The following TEKT5 variants were observed in gnomAD, a reference collection of about 807,000 sequenced individuals.
The protein encoded by TEKT5 is tektin 5.
Under a neutral mutation model 48.7 loss-of-function variants are expected in TEKT5, and 52 were observed. The observed-to-expected ratio is 1.07, with a 90% CI of 0.86 to 1.35. The LOEUF (loss-of-function observed/expected upper bound fraction) is 1.35. Ranked by LOEUF, TEKT5 falls within the 40% of genes most tolerant of loss-of-function variation. The probability of loss-of-function intolerance (pLI) is 0.00; values close to 1 mark genes in which losing one functional copy is unlikely to be tolerated. For missense variants in TEKT5, 831 were observed against 641.6 expected, an observed-to-expected ratio of 1.30 and a Z score of -3.19; for synonymous variants, 318 against 267.6, an observed-to-expected ratio of 1.19 and a Z score of -1.84.
At chr16:10,681,095 G>T (rs543216119) in intron 4 of TEKT5, among the ~76,000 whole-genome samples, 1 of 150,376 alleles carries the variant, frequency 6.6e-6, no homozygotes, top group African/African-American at 2.4e-5. Flanking sequence ...ATCATGACAG[G>T]CTCACAGAAG....
At chr16:10,643,422 G>A (rs1396382138) in intron 5 of TEKT5, among the ~76,000 whole-genome samples, 1 of 151,810 alleles carries the variant, frequency 6.6e-6, no homozygotes, top group East Asian at 1.9e-4. Context: ...AAAATTTACT[G>A]TATGATTATA....
rs1321692693 is a variant in TEKT5 at position 10,635,834 on chromosome 16, C to T, written c.1171G>A (p.Ala391Thr). 6.2e-7 allele frequency: 1 copy of T among 1,614,144 alleles called. No homozygotes were observed. Among genetic ancestry groups the T allele is most frequent in the Non-Finnish European group, 8.5e-7 (1 of 1,180,042 alleles). ...GTCCGGCACTCCAGCCTTGTCTGGGCCACCTTCAGCGGGCCCTCCTTGGCC... is the reference window on the plus strand; with the variant it reads ...GTCCGGCACTCCAGCCTTGTCTGGGTCACCTTCAGCGGGCCCTCCTTGGCC... Reference protein sequence around the residue: ...IMAKEGPLKVAQTRLECRTRR... With the variant: ...IMAKEGPLKVTQTRLECRTRR... The change falls in exon 6 of 7, where the codon GCC (alanine) becomes ACC (threonine). Residue 391 changes from alanine (A) to threonine (T), a missense_variant. Transcript: ENST00000283025.
At chr16:10,643,055 A>G (rs1417349062) in intron 5 of TEKT5, among the ~76,000 whole-genome samples, 1 of 152,242 alleles carries the variant, frequency 6.6e-6, no homozygotes, top group Non-Finnish European at 1.5e-5. Context: ...GTGTGCGTCA[A>G]AACATACGCA....
chr16:10,661,274 C>G (rs1467439558), intron 5 of TEKT5, among the ~76,000 whole-genome samples: 1 of 152,180 alleles, frequency 6.6e-6, no homozygotes, highest in African/African-American at 2.4e-5. Context: ...AGCTGTCCAT[C>G]TCATGTAAGT....
At chr16:10,642,780 G>A (rs1053274158) in intron 5 of TEKT5, among the ~76,000 whole-genome samples, 1 of 152,192 alleles carries the variant, frequency 6.6e-6, no homozygotes, top group South Asian at 2.1e-4. Flanking sequence ...AGAAGCTAAA[G>A]TGTTGATCTC....
intron 6 of TEKT5, among the ~76,000 whole-genome samples, chr16:10,629,934 G>A (rs1280287948): frequency 1.3e-5 from 2 of 152,038 alleles, no homozygotes; most frequent in Non-Finnish European, 2.9e-5. Context: ...CCGAGGGGAG[G>A]ACTTTTTTTC....
intron 6 of TEKT5, among the ~76,000 whole-genome samples, chr16:10,633,948 G>A (rs751231712): frequency 1.1e-4 from 16 of 151,968 alleles, no homozygotes; most frequent in Non-Finnish European, 1.8e-4. Context: ...AAAAATCATC[G>A]CTTGGGCACC....
intron 5 of TEKT5, among the ~76,000 whole-genome samples, chr16:10,674,636 AAAAAAC>A (rs1339057362): frequency 1.3e-5 from 2 of 148,186 alleles, no homozygotes; most frequent in Non-Finnish European, 3.0e-5. Flanking sequence ...AAAAAAAAAA[AAAAAAC>A]AGAGAGAGAA....
At chr16:10,680,517 T>C (rs913427236) in intron 4 of TEKT5, among the ~76,000 whole-genome samples, 1 of 151,540 alleles carries the variant, frequency 6.6e-6, no homozygotes, top group Non-Finnish European at 1.5e-5. Flanking sequence ...CTCTTTCTCA[T>C]CCCGAGCATC....
At chr16:10,669,400 A>G (rs1487274497) in intron 5 of TEKT5, among the ~76,000 whole-genome samples, 4 of 152,138 alleles carry the variant, frequency 2.6e-5, no homozygotes, top group African/African-American at 4.8e-5. Flanking sequence ...CGGAGGTTGC[A>G]GTGAGCCGAG....
chr16:10,686,173 C>G (rs1898859036), intron 3 of TEKT5, among the ~76,000 whole-genome samples: 1 of 152,148 alleles, frequency 6.6e-6, no homozygotes. Context: ...AGCAAAGATG[C>G]CAAGAACATA....
At chr16:10,628,069 C>T (rs1048980821) in intron 6 of TEKT5, among the ~76,000 whole-genome samples, 1 of 151,970 alleles carries the variant, frequency 6.6e-6, no homozygotes, top group Non-Finnish European at 1.5e-5. Flanking sequence ...TGGTCAAGAA[C>T]TCCTGACCTC....
chr16:10,693,133 T>C (rs1304997508), intron 1 of TEKT5, among the ~76,000 whole-genome samples: 4 of 152,254 alleles, frequency 2.6e-5, no homozygotes, highest in African/African-American at 9.6e-5. Context: ...TCTTGCTTTG[T>C]GGCACAGGCT....
chr16:10,676,076 G>C lies in TEKT5; in HGVS notation c.969C>G (p.Leu323=), dbSNP rs757449998. 1 of 1,614,258 alleles carries C rather than the reference G, an allele frequency of 6.2e-7. No homozygotes were observed. Among genetic ancestry groups the C allele is most frequent in the South Asian group, 1.1e-5 (1 of 91,088 alleles). The change falls in exon 5 of 7, where the codon CTC becomes CTG. Residue 323 remains leucine (L), a synonymous_variant. Coordinates refer to ENST00000283025, the MANE Select transcript of TEKT5 (RefSeq NM_144674.2). ...SIQLREEAEH[L]FETLSDQMWR... ...ACATCTGATCCGACAAGGTCTCAAA[G>C]AGGTGCTCCGCCTCCTCCCGCAGCT...
At chr16:10,636,937 C>G (rs1003039662) in intron 5 of TEKT5, among the ~76,000 whole-genome samples, 2 of 151,058 alleles carry the variant, frequency 1.3e-5, no homozygotes, top group East Asian at 3.9e-4. Flanking sequence ...CTGCCTCAGT[C>G]TCCCAAGTAG....
intron 2 of TEKT5, 55 bp downstream of exon 2, chr16:10,689,887 C>G: frequency 6.3e-7 from 1 of 1,575,024 alleles, no homozygotes; most frequent in Non-Finnish European, 8.7e-7. Flanking sequence ...TTTCTCTGAC[C>G]TGCTGGCCTT....
chr16:10,657,389 A>G (rs1442879315), intron 5 of TEKT5, among the ~76,000 whole-genome samples: 1 of 152,064 alleles, frequency 6.6e-6, no homozygotes, highest in Admixed American at 6.6e-5. Flanking sequence ...TGGCCTTCCA[A>G]AGTGCTAGGA....
intron 5 of TEKT5, among the ~76,000 whole-genome samples, chr16:10,646,057 A>G (rs1355593585): frequency 6.6e-6 from 1 of 151,942 alleles, no homozygotes; most frequent in African/African-American, 2.4e-5. Context: ...TTGAGCCCAG[A>G]AGGTCGAGGT....
rs2719629 is a variant in TEKT5, at chr16:10,643,529, G to A, written c.1087-7611C>T. ...AGCCTGTGCTGTCCAACATGAGGCCGAGGGCCACATATGGCTGTTAAGCCC... is the reference window on the plus strand; with the variant it reads ...AGCCTGTGCTGTCCAACATGAGGCCAAGGGCCACATATGGCTGTTAAGCCC... On this transcript the variant is annotated intron_variant, in intron 5 of 6. Transcript: ENST00000283025. Among the ~76,000 whole-genome samples the A allele has an allele frequency of 6.9e-3, 1,046 of 152,296 alleles. 13 individuals carry two copies. Among genetic ancestry groups the A allele is most frequent in the African/African-American group, 0.024 (1,008 of 41,556 alleles).
Sources: gnomAD v4.1 joint callset for allele counts (sites outside exome capture counted in the v4.1 genomes callset) on GRCh38, gnomAD v4.1.1 for gene constraint, MANE v1.5 for transcripts, NCBI Gene and HGNC (gene_info 2026-07-23, HGNC 2026-07-21) for gene names.